The following TACR1 variants were observed in gnomAD, a reference collection of about 807,000 sequenced individuals.
TACR1 encodes substance-P receptor.
A neutral mutation model predicts 35.8 loss-of-function variants in TACR1; 25 were observed. The observed-to-expected ratio is 0.70, with a 90% CI of 0.51 to 0.98. The LOEUF (loss-of-function observed/expected upper bound fraction) is 0.98. Ranked by LOEUF, TACR1 falls within the 50% of genes least tolerant of loss-of-function variation. The pLI is 0.00. For synonymous variants in TACR1, 195 were observed against 206.7 expected (o/e 0.94, Z 0.48); for missense variants, 478 against 522.9 (o/e 0.91, Z 0.84).
intron 1 of TACR1, among the ~76,000 whole-genome samples, chr2:75,134,543 G>A (rs1010795614): frequency 6.6e-6 from 1 of 152,170 alleles, no homozygotes; most frequent in Non-Finnish European, 1.5e-5. Context: ...GAGGTTGGGG[G>A]AGTTTCTCAG....
intron 1 of TACR1, among the ~76,000 whole-genome samples, chr2:75,124,421 A>G (rs1480493863): frequency 3.9e-5 from 6 of 152,206 alleles, no homozygotes; most frequent in African/African-American, 1.4e-4. Context: ...CTTCTTCCAC[A>G]GTCTTTCTCA....
At chr2:75,070,594 G>A (rs1173982350) in intron 2 of TACR1, among the ~76,000 whole-genome samples, 1 of 152,218 alleles carries the variant, frequency 6.6e-6, no homozygotes, top group East Asian at 1.9e-4. Flanking sequence ...CAAGCCTCAA[G>A]TTTCTTCTAG....
chr2:75,194,130 C>A (rs1335860959), intron 1 of TACR1, among the ~76,000 whole-genome samples: 2 of 152,170 alleles, frequency 1.3e-5, no homozygotes, highest in Non-Finnish European at 2.9e-5. Flanking sequence ...ACACCCTTGA[C>A]CATTCAGGAC....
chr2:75,124,234 ACT>A (rs1674028019), intron 1 of TACR1, among the ~76,000 whole-genome samples: 2 of 152,178 alleles, frequency 1.3e-5, no homozygotes, highest in South Asian at 4.1e-4. Flanking sequence ...TATAAAAAGA[ACT>A]CTCTGCTGCA....
chr2:75,135,485 T>C (rs1674262651), intron 1 of TACR1, among the ~76,000 whole-genome samples: 1 of 152,192 alleles, frequency 6.6e-6, no homozygotes, highest in Admixed American at 6.5e-5. Context: ...GGACACCTGG[T>C]GCTACTGGCT....
At chr2:75,085,176 C>T (rs1423864022) in intron 2 of TACR1, among the ~76,000 whole-genome samples, 1 of 152,094 alleles carries the variant, frequency 6.6e-6, no homozygotes, top group Non-Finnish European at 1.5e-5. Flanking sequence ...CGATGCATCA[C>T]CTTGGGCAGT....
chr2:75,157,852 A>G (rs1054252968), intron 1 of TACR1, among the ~76,000 whole-genome samples: 1 of 152,252 alleles, frequency 6.6e-6, no homozygotes, highest in African/African-American at 2.4e-5. Flanking sequence ...TTGAAAGAGA[A>G]TTTACAGCAG....
chr2:75,073,892 C>G (rs895069451), intron 2 of TACR1, among the ~76,000 whole-genome samples: 10 of 152,166 alleles, frequency 6.6e-5, no homozygotes, highest in African/African-American at 2.2e-4. Context: ...ATATGTTCTC[C>G]TCAGCACAGC....
In TACR1 at chr2:75,056,435, C is replaced by T. The variant is rs527385364; in HGVS notation, c.585-2680G>A. Among the ~76,000 whole-genome samples, 71 of 152,308 alleles carry T rather than the reference C, an allele frequency of 4.7e-4. 1 individual carries two copies. In the South Asian group the frequency reaches 7.5e-3, roughly 16 times the overall value. On this transcript the variant is annotated intron_variant, in intron 2 of 4. Transcript: ENST00000305249. ...ACAACTAGGGGCAGCTCCTACACCC[C>T]GGAGCCTGCCGAAGTTATTCAAACC...
intron 2 of TACR1, among the ~76,000 whole-genome samples, chr2:75,111,103 A>G (rs773228698): frequency 2.0e-5 from 3 of 151,884 alleles, no homozygotes; most frequent in Non-Finnish European, 4.4e-5. Flanking sequence ...AGTTTTTCTC[A>G]TATATTATAA....
chr2:75,185,479 G>C (rs1183990012), intron 1 of TACR1, among the ~76,000 whole-genome samples: 1 of 151,992 alleles, frequency 6.6e-6, no homozygotes, highest in Non-Finnish European at 1.5e-5. Flanking sequence ...AAAGGTTATA[G>C]CCTTTAATAT....
intron 2 of TACR1, among the ~76,000 whole-genome samples, chr2:75,105,637 T>C (rs1254883100): frequency 6.6e-6 from 1 of 152,002 alleles, no homozygotes; most frequent in East Asian, 1.9e-4. Flanking sequence ...TAAATGCACA[T>C]ACTTTTATGA....
At chr2:75,158,240 T>C (rs988054122) in intron 1 of TACR1, among the ~76,000 whole-genome samples, 1 of 152,186 alleles carries the variant, frequency 6.6e-6, no homozygotes, top group Non-Finnish European at 1.5e-5. Flanking sequence ...CGGAAAAGCA[T>C]TACTCTAGGC....
At chr2:75,152,757 C>A (rs1674702164) in intron 1 of TACR1, among the ~76,000 whole-genome samples, 2 of 152,198 alleles carry the variant, frequency 1.3e-5, no homozygotes, top group Admixed American at 1.3e-4. Flanking sequence ...CTCTTAGTCA[C>A]CCCAATGCAT....
At chr2:75,098,685 A>G (rs964503712) in intron 2 of TACR1, among the ~76,000 whole-genome samples, 4 of 152,124 alleles carry the variant, frequency 2.6e-5, no homozygotes, top group Non-Finnish European at 4.4e-5. Flanking sequence ...AGCTTGCTCT[A>G]GGAGTGGATT....
At chr2:75,108,695 ATTAT>A (rs1433314496) in intron 2 of TACR1, among the ~76,000 whole-genome samples, 1 of 152,130 alleles carries the variant, frequency 6.6e-6, no homozygotes, top group African/African-American at 2.4e-5. Flanking sequence ...AGACAAAATC[ATTAT>A]TTATAGATGA....
rs188357620 is a variant in TACR1, at chr2:75,119,686, C to T, written c.584+888G>A. On this transcript the variant is annotated intron_variant, in intron 2 of 4. Coordinates refer to ENST00000305249, the MANE Select transcript of TACR1 (RefSeq NM_001058.4). ...GCCCCTAGAAGATAAGTATGTCTGC[C>T]CTGTCAGGGACCTGTAACTCATAAG... 1.7e-4 allele frequency among the ~76,000 whole-genome samples: 26 copies of T among 152,292 alleles called. No individual in the cohort carries two copies. The East Asian group carries it at 5.0e-3, about 29-fold the overall frequency.
intron 2 of TACR1, among the ~76,000 whole-genome samples, chr2:75,094,859 A>ATATATATATATATATATT: frequency 1.2e-3 from 137 of 113,060 alleles, no homozygotes; most frequent in South Asian, 2.2e-3. Context: ...ATATATATAT[A>ATATATATATATATATATT]TTTTTTTTTT....
chr2:75,088,353 G>C (rs1042869418), intron 2 of TACR1, among the ~76,000 whole-genome samples: 1 of 152,084 alleles, frequency 6.6e-6, no homozygotes, highest in Non-Finnish European at 1.5e-5. Context: ...TCAAAGCTTA[G>C]CTCCTGAAAT....
Sources: gnomAD v4.1 joint callset for allele counts (sites outside exome capture counted in the v4.1 genomes callset) on GRCh38, gnomAD v4.1.1 for gene constraint, MANE v1.5 for transcripts, NCBI Gene and HGNC (gene_info 2026-07-23, HGNC 2026-07-21) for gene names.